Variants in RPAP2 observed in about 807,000 individuals in gnomAD.
The protein encoded by RPAP2 is RNA polymerase II associated protein 2, also known as putative RNA polymerase II subunit B1 CTD phosphatase RPAP2.
RPAP2 carries 52 observed loss-of-function variants against 73.1 expected under a neutral mutation model. The ratio of observed to expected loss-of-function variants is 0.71; its 90% CI spans 0.57 to 0.90. The LOEUF (loss-of-function observed/expected upper bound fraction) is 0.90. Ranked by LOEUF, RPAP2 falls within the 40% of genes least tolerant of loss-of-function variation. The pLI, the probability that RPAP2 is intolerant of heterozygous loss-of-function variation, is 0.00. For synonymous variants in RPAP2, 225 were observed against 242.1 expected, an observed-to-expected ratio of 0.93 and a Z score of 0.65; for missense variants, 598 against 701.8, an observed-to-expected ratio of 0.85 and a Z score of 1.67.
intron 11 of RPAP2, among the ~76,000 whole-genome samples, chr1:92,376,027 T>C (rs562877854): frequency 1.8e-3 from 276 of 151,538 alleles, no homozygotes; most frequent in African/African-American, 6.3e-3. Flanking sequence ...AATTAAAATA[T>C]TCAGGGAAAG....
intron 11 of RPAP2, among the ~76,000 whole-genome samples, chr1:92,363,065 G>C (rs1399253268): frequency 6.6e-6 from 1 of 151,958 alleles, no homozygotes. Context: ...CCTTCTCCAG[G>C]GGGAAAAAAA....
chr1:92,308,828 C>A (rs1426311024), intron 6 of RPAP2, among the ~76,000 whole-genome samples: 2 of 151,984 alleles, frequency 1.3e-5, no homozygotes, highest in Non-Finnish European at 2.9e-5. Flanking sequence ...GGTATGGTGG[C>A]GGGCACCTGT....
chr1:92,313,355 T>C (rs142188824), intron 6 of RPAP2, among the ~76,000 whole-genome samples: 22 of 152,258 alleles, frequency 1.4e-4, no homozygotes, highest in African/African-American at 5.3e-4. Flanking sequence ...TTAGCAGGCA[T>C]GAAAACAACA....
intron 11 of RPAP2, among the ~76,000 whole-genome samples, chr1:92,346,136 T>C (rs1312099906): frequency 1.3e-5 from 2 of 152,096 alleles, no homozygotes; most frequent in African/African-American, 4.8e-5. Context: ...TACCTTATTC[T>C]TTACAAATAC....
chr1:92,323,882 G>A lies in RPAP2; in HGVS notation c.962G>A (p.Arg321Lys). ...ASENSESEYS[R>K]SEITLVGISK... is the part of the protein sequence containing the mutation. The stretch of plus-strand genomic sequence containing the variant: ...GAAAATTCTGAAAGTGAATACAGTA[G>A]GTCAGAAATAACTCTAGTAGGCATA... The change falls in exon 8 of 13, where the codon AGG (arginine) becomes AAG (lysine). Residue 321 changes from arginine (R) to lysine (K), a missense_variant. Arg to Lys is a conservative substitution (Grantham distance 26, BLOSUM62 2). Transcript: ENST00000610020. The A allele has an allele frequency of 6.2e-7, 1 of 1,613,990 alleles. No individual in the cohort carries two copies. The highest frequency in any genetic ancestry group is 1.1e-5 in the South Asian group (1 of 91,056).
rs1031895262 is a variant in RPAP2 at position 92,390,636 on chromosome 1, T to C, written c.*3625T>C. 1.3e-5 allele frequency: 2 copies of C among 152,210 alleles called. No homozygotes were observed. The highest frequency in any genetic ancestry group is 4.8e-5 in the African/African-American group (2 of 41,438). 9.4% of individuals were successfully genotyped at this position (152,210 alleles called of 1,614,324 possible). Reference sequence around the variant, plus strand: ...ACAGTCAAGACCCATCAGTGAGCTATATTCAGGAGACCCATCTCATGTGCA... The same window carrying C: ...ACAGTCAAGACCCATCAGTGAGCTACATTCAGGAGACCCATCTCATGTGCA... On this transcript the variant is annotated 3_prime_UTR_variant, in exon 13 of 13. Coordinates refer to ENST00000610020, the MANE Select transcript of RPAP2 (RefSeq NM_024813.3).
At chr1:92,361,521 C>T (rs1453665029) in intron 11 of RPAP2, among the ~76,000 whole-genome samples, 1 of 152,080 alleles carries the variant, frequency 6.6e-6, no homozygotes, top group Non-Finnish European at 1.5e-5. Flanking sequence ...TAGTTGCTTA[C>T]TATTGTGACT....
At chr1:92,330,439 A>AT (rs35101382) in intron 8 of RPAP2, among the ~76,000 whole-genome samples, 11,169 of 61,522 alleles carry the variant, frequency 0.18, 2,850 homozygotes, top group Non-Finnish European at 0.2. Flanking sequence ...TGGGTTGTCA[A>AT]TTTTTTTTTT....
intron 11 of RPAP2, among the ~76,000 whole-genome samples, chr1:92,354,431 C>G (rs1393962293): frequency 1.3e-5 from 2 of 152,174 alleles, no homozygotes; most frequent in Non-Finnish European, 2.9e-5. Flanking sequence ...CTGTCACAAA[C>G]AGGAATTAGA....
chr1:92,391,514 GC>G lies in RPAP2; in HGVS notation c.*4504del, dbSNP rs1407397162. 2.0e-5 allele frequency: 3 copies of G among 152,008 alleles called. No individual in the cohort carries two copies. Among genetic ancestry groups the G allele is most frequent in the Non-Finnish European group, 2.9e-5 (2 of 68,006 alleles). 9.4% of individuals were successfully genotyped at this position (152,008 alleles called of 1,614,324 possible). On this transcript the variant is annotated 3_prime_UTR_variant, in exon 13 of 13. Transcript: ENST00000610020. Reference sequence around the variant, plus strand: ...AAACAAATTCAAAAGCTAGCAGAAGGCAAGAAATAACTAAGATCAGAGCAGA... The same window carrying G: ...AAACAAATTCAAAAGCTAGCAGAAGGAAGAAATAACTAAGATCAGAGCAGA...
At chr1:92,326,353 T>C (rs1179684147) in intron 8 of RPAP2, among the ~76,000 whole-genome samples, 4 of 152,190 alleles carry the variant, frequency 2.6e-5, no homozygotes, top group African/African-American at 9.7e-5. Flanking sequence ...GCACCTGCTC[T>C]GGTGGAGATG....
intron 2 of RPAP2, 121 bp from the exon 3 acceptor site, chr1:92,301,354 AT>A (rs1650845451): frequency 1.3e-5 from 5 of 399,540 alleles, no homozygotes; most frequent in African/African-American, 8.5e-5. Context: ...TATTCAAAAA[AT>A]TTTTTAAATA....
chr1:92,377,096 C>T (rs1312553888), intron 11 of RPAP2, among the ~76,000 whole-genome samples: 1 of 152,028 alleles, frequency 6.6e-6, no homozygotes, highest in Non-Finnish European at 1.5e-5. Flanking sequence ...TACAGTATCC[C>T]ATTTGAGTTT....
intron 4 of RPAP2, 83 bp downstream of exon 4, chr1:92,304,158 A>C (rs1651048987): frequency 8.1e-7 from 1 of 1,242,130 alleles, no homozygotes; most frequent in Non-Finnish European, 1.2e-6. Flanking sequence ...AAGAAATAAA[A>C]CCTAAGGTCA....
chr1:92,336,026 G>A (rs1653259462), intron 9 of RPAP2, among the ~76,000 whole-genome samples: 1 of 152,146 alleles, frequency 6.6e-6, no homozygotes, highest in Admixed American at 6.5e-5. Flanking sequence ...CATTTTGGGG[G>A]CAGTTGTGTT....
intron 10 of RPAP2, among the ~76,000 whole-genome samples, chr1:92,337,407 T>C (rs1653339908): frequency 6.6e-6 from 1 of 152,116 alleles, no homozygotes. Context: ...CCAAAAGTAA[T>C]TCAGGAAAAA....
At chr1:92,316,654 G>A (rs1397407041) in intron 6 of RPAP2, among the ~76,000 whole-genome samples, 1 of 152,122 alleles carries the variant, frequency 6.6e-6, no homozygotes, top group East Asian at 1.9e-4. Context: ...TGTAAACTGA[G>A]CTTTCACAAC....
intron 12 of RPAP2, 78 bp from the exon 13 acceptor site, chr1:92,386,933 A>C (rs1655888564): frequency 1.5e-6 from 2 of 1,297,904 alleles, no homozygotes; most frequent in Non-Finnish European, 2.1e-6. Flanking sequence ...GGTTGGTCTC[A>C]AACTCCTGAC....
rs762988601 is a variant in RPAP2 at position 92,324,067 on chromosome 1, T to G, written c.1147T>G (p.Leu383Val). ...TLIEWKTEETLRFLYGQNYAS... is the reference protein window; with the variant it reads ...TLIEWKTEETVRFLYGQNYAS... ...GATTGAGTGGAAGACAGAAGAAACA[T>G]TGAGGTTTTTGTATGGCCAGAATTA... The change falls in exon 8 of 13, where the codon TTG becomes GTG. Residue 383 changes from leucine (L) to valine (V), a missense_variant. Transcript: ENST00000610020. The G allele has an allele frequency of 6.2e-7, 1 of 1,614,020 alleles. No individual in the cohort carries two copies. The highest frequency in any genetic ancestry group is 8.5e-7 in the Non-Finnish European group (1 of 1,179,944).
Sources: gnomAD v4.1 joint callset for allele counts (sites outside exome capture counted in the v4.1 genomes callset) on GRCh38, gnomAD v4.1.1 for gene constraint, MANE v1.5 for transcripts, NCBI Gene and HGNC (gene_info 2026-07-23, HGNC 2026-07-21) for gene names.